Variants in ZZZ3 observed in about 807,000 individuals in gnomAD.
ZZZ3 encodes zinc finger ZZ-type containing 3, also known as ZZ-type zinc finger-containing protein 3.
A neutral mutation model predicts 95.2 loss-of-function variants in ZZZ3; 22 were observed. That is an observed-to-expected ratio of 0.23 (90% CI 0.17 to 0.33). The LOEUF (loss-of-function observed/expected upper bound fraction) is 0.33. ZZZ3 is among the 10% of genes least tolerant of loss of function. The pLI is 1.00. For synonymous variants in ZZZ3, 335 were observed against 358.9 expected, an observed-to-expected ratio of 0.93 and a Z score of 0.75; for missense variants, 885 against 1,066.5, an observed-to-expected ratio of 0.83 and a Z score of 2.37.
At chr1:77,653,213 A>C (rs540394419) in intron 1 of ZZZ3, among the ~76,000 whole-genome samples, 7 of 151,884 alleles carry the variant, frequency 4.6e-5, no homozygotes, top group Admixed American at 2.6e-4. Context: ...GGCAGGCAGG[A>C]AGAATCCAGA....
chr1:77,638,267 AT>A (rs2100883794), intron 4 of ZZZ3, among the ~76,000 whole-genome samples: 1 of 152,292 alleles, frequency 6.6e-6, no homozygotes, highest in East Asian at 1.9e-4. Flanking sequence ...ATAATTTCAC[AT>A]ATCCTACCCA....
chr1:77,573,042 T>C (rs1661564587), intron 12 of ZZZ3, among the ~76,000 whole-genome samples: 1 of 152,030 alleles, frequency 6.6e-6, no homozygotes, highest in Non-Finnish European at 1.5e-5. Context: ...CTCTCAGGTC[T>C]TCCACTGAAA....
At chr1:77,581,210 T>G in intron 8 of ZZZ3, 141 bp from the exon 9 acceptor site, 1 of 669,262 alleles carries the variant, frequency 1.5e-6, no homozygotes, top group East Asian at 2.7e-5. Flanking sequence ...TATATGCTTT[T>G]TTTTTAACTG....
rs753067318 is a variant in ZZZ3 at position 77,582,012 on chromosome 1, G to A, written c.1759C>T (p.His587Tyr). 1.2e-6 allele frequency: 2 copies of A among 1,608,284 alleles called. No individual in the cohort carries two copies. The highest frequency in any genetic ancestry group is 2.2e-5 in the South Asian group (2 of 90,652). The change falls in exon 7 of 15, where the codon CAT becomes TAT. Residue 587 changes from histidine to tyrosine, a missense_variant. Physicochemically the swap from His to Tyr is moderately conservative, Grantham distance 83. Around this residue, in one of 5 missense-constraint regions of ZZZ3, gnomAD observed 99 missense variants for 119.8 expected, o/e 0.83. Coordinates refer to ENST00000370801, the MANE Select transcript of ZZZ3 (RefSeq NM_015534.6). The part of the protein sequence containing the change: ...FEREFKNRKR[H>Y]TRRVKLVFDK... ...AAAACTAGCTTAACTCTTCTAGTAT[G>A]TCTTTTACGATTTTTAAATTCTCTT... is the stretch of plus-strand genomic sequence containing the variant.
intron 5 of ZZZ3, among the ~76,000 whole-genome samples, chr1:77,598,604 C>T (rs872342): frequency 0.59 from 90,098 of 151,938 alleles, 28,449 homozygotes; most frequent in Non-Finnish European, 0.71. Flanking sequence ...TAAGAGATCC[C>T]GTCTGATTAA....
At chr1:77,639,253 G>GA (rs1026648528) in intron 4 of ZZZ3, among the ~76,000 whole-genome samples, 196 bp downstream of exon 4, 12 of 147,798 alleles carry the variant, frequency 8.1e-5, no homozygotes, top group South Asian at 2.2e-4. Flanking sequence ...ATACCCCATT[G>GA]AAAAAAAAAG....
At chr1:77,587,545 T>C (rs1663222867) in intron 5 of ZZZ3, among the ~76,000 whole-genome samples, 1 of 152,182 alleles carries the variant, frequency 6.6e-6, no homozygotes, top group South Asian at 2.1e-4. Flanking sequence ...ATTACAGGCG[T>C]GAGCCACCGC....
At position 77,576,015 on chromosome 1, in the gene ZZZ3, C is replaced by T. The variant is rs1169383824; in HGVS notation, c.2331+53G>A. 3 of 1,345,320 alleles carry T rather than the reference C, an allele frequency of 2.2e-6. No individual in the cohort carries two copies. In the African/African-American group the frequency reaches 4.4e-5, roughly 20 times the overall value. 83.3% of individuals were successfully genotyped at this position (1,345,320 alleles called of 1,614,324 possible). On this transcript the variant is annotated intron_variant, in intron 12 of 14. Transcript: ENST00000370801. ...TGAAGAGTGGAAATAATTAGAAAAT[C>T]CTACTCTCTTCTATACCTTGATGTA...
intron 1 of ZZZ3, among the ~76,000 whole-genome samples, chr1:77,645,847 G>T (rs1669213889): frequency 6.6e-6 from 1 of 151,550 alleles, no homozygotes; most frequent in East Asian, 2.0e-4. Context: ...GTGTGTGCCT[G>T]TAATTCCCAG....
At chr1:77,635,265 G>A (rs1050601042) in intron 4 of ZZZ3, among the ~76,000 whole-genome samples, 1 of 152,064 alleles carries the variant, frequency 6.6e-6, no homozygotes, top group Non-Finnish European at 1.5e-5. Flanking sequence ...TCAAAGTATG[G>A]CATACTTTTA....
chr1:77,677,680 T>C (rs1165070959), intron 1 of ZZZ3, among the ~76,000 whole-genome samples: 2 of 152,164 alleles, frequency 1.3e-5, no homozygotes, highest in African/African-American at 2.4e-5. Flanking sequence ...GTTCTTCACA[T>C]AGGGGAATAA....
At chr1:77,635,383 A>G (rs1213883979) in intron 4 of ZZZ3, among the ~76,000 whole-genome samples, 6 of 152,258 alleles carry the variant, frequency 3.9e-5, no homozygotes, top group Non-Finnish European at 8.8e-5. Context: ...CAAGTGAACA[A>G]TAAGTACAAG....
chr1:77,638,921 G>A (rs1002607564), intron 4 of ZZZ3, among the ~76,000 whole-genome samples: 2 of 152,086 alleles, frequency 1.3e-5, no homozygotes, highest in Non-Finnish European at 2.9e-5. Flanking sequence ...AGTAAAACCT[G>A]GCTGGTAACC....
intron 5 of ZZZ3, among the ~76,000 whole-genome samples, chr1:77,589,455 T>C (rs1029797135): frequency 1.4e-5 from 2 of 144,784 alleles, no homozygotes; most frequent in African/African-American, 2.5e-5. Context: ...TTTATTTATT[T>C]ATTTGATGGA....
intron 5 of ZZZ3, among the ~76,000 whole-genome samples, chr1:77,619,573 C>T (rs1666649595): frequency 6.6e-6 from 1 of 152,128 alleles, no homozygotes; most frequent in African/African-American, 2.4e-5. Flanking sequence ...ATTGTATTTA[C>T]AATCATATAA....
At chr1:77,626,168 C>A (rs1667316876) in intron 5 of ZZZ3, among the ~76,000 whole-genome samples, 1 of 152,132 alleles carries the variant, frequency 6.6e-6, no homozygotes, top group African/African-American at 2.4e-5. Flanking sequence ...CAATGGCTTA[C>A]TCTACTTACA....
chr1:77,622,617 C>A (rs915877366), intron 5 of ZZZ3, among the ~76,000 whole-genome samples: 1 of 152,086 alleles, frequency 6.6e-6, no homozygotes, highest in Non-Finnish European at 1.5e-5. Context: ...TACGTAATTT[C>A]TTAGACTCTT....
intron 4 of ZZZ3, among the ~76,000 whole-genome samples, chr1:77,638,254 C>T (rs969343313): frequency 1.3e-5 from 2 of 152,172 alleles, no homozygotes; most frequent in Non-Finnish European, 2.9e-5. Context: ...CTCAATCCTA[C>T]CTATAATTTC....
intron 5 of ZZZ3, among the ~76,000 whole-genome samples, chr1:77,589,348 A>G (rs1361739091): frequency 2.0e-5 from 3 of 152,182 alleles, no homozygotes; most frequent in African/African-American, 7.2e-5. Flanking sequence ...TATATGAAAG[A>G]GTATACAGGT....
Sources: allele counts gnomAD v4.1 joint callset (sites outside exome capture counted in the v4.1 genomes callset), GRCh38; gene constraint gnomAD v4.1.1; regional missense constraint gnomAD v4.1.1; transcripts MANE v1.5; gene names NCBI Gene and HGNC (gene_info 2026-07-23, HGNC 2026-07-21).